HARS2: variants seen among roughly 807,000 people sequenced by gnomAD.
HARS2 encodes the protein histidyl-tRNA synthetase 2, mitochondrial.
In HARS2, 40 loss-of-function variants were observed where a neutral mutation model predicts 62.4. That is an observed-to-expected ratio of 0.64 (90% CI 0.50 to 0.83). The LOEUF (loss-of-function observed/expected upper bound fraction) is 0.83, where lower values mean the gene tolerates loss of function less well. HARS2 is among the 40% of genes least tolerant of loss of function. HARS2 has a pLI of 0.00. For synonymous variants in HARS2, 228 were observed against 227.0 expected (o/e 1.00, Z -0.04); for missense variants, 569 against 626.4 (o/e 0.91, Z 0.98).
At chr5:140,692,637 A>G (rs766223580) in intron 1 of HARS2, among the ~76,000 whole-genome samples, 3 of 152,208 alleles carry the variant, frequency 2.0e-5, no homozygotes, top group Non-Finnish European at 4.4e-5. Context: ...TCATGCCTGT[A>G]ATCCCATCAC....
Position 140,696,601 on chromosome 5 carries a change from T to C in HARS2, c.813T>C (p.Tyr271=). ...APEVADRIGD[Y]VQCHGGVSLV... ...AGGTGGCTGATCGAATTGGGGACTATGTCCAGTGTCATGGTAAGAACCAGG... is the reference window on the plus strand; with the variant it reads ...AGGTGGCTGATCGAATTGGGGACTACGTCCAGTGTCATGGTAAGAACCAGG... Residue 271 remains tyrosine, a synonymous_variant, in exon 8 of 13, where the codon TAT becomes TAC. Coordinates refer to ENST00000230771, the MANE Select transcript of HARS2 (RefSeq NM_012208.4). 4 of 1,608,072 alleles carry C rather than the reference T, an allele frequency of 2.5e-6. No individual in the cohort carries two copies. The highest frequency in any genetic ancestry group is 2.2e-5 in the South Asian group (2 of 90,954).
intron 12 of HARS2, among the ~76,000 whole-genome samples, 193 bp downstream of exon 12, chr5:140,698,271 C>G (rs1759838092): frequency 6.6e-6 from 1 of 152,186 alleles, no homozygotes; most frequent in Admixed American, 6.5e-5. Context: ...CAAATGAAAT[C>G]CGAATGGGTA....
intron 8 of HARS2, 88 bp from the exon 9 acceptor site, chr5:140,696,855 A>T: frequency 8.6e-7 from 1 of 1,159,544 alleles, no homozygotes; most frequent in African/African-American, 1.6e-5. Flanking sequence ...TTTTTTAAAG[A>T]AAATGAGGAA....
chr5:140,692,949 C>T (rs140169815), intron 1 of HARS2, among the ~76,000 whole-genome samples: 190 of 151,704 alleles, frequency 1.3e-3, no homozygotes, highest in Non-Finnish European at 2.0e-3. Flanking sequence ...TGGAGAAGAT[C>T]ACCATAATCC....
intron 1 of HARS2, chr5:140,693,358 A>C: frequency 2.7e-6 from 2 of 750,756 alleles, no homozygotes; most frequent in Non-Finnish European, 4.3e-6. Context: ...ATCCATATAC[A>C]GTGAGGAAGC....
intron 4 of HARS2, among the ~76,000 whole-genome samples, chr5:140,695,095 T>C (rs992173635): frequency 6.6e-6 from 1 of 152,196 alleles, no homozygotes; most frequent in Non-Finnish European, 1.5e-5. Flanking sequence ...GTCTGCATTT[T>C]AAACAAGCAT....
At chr5:140,696,367 G>C (rs1262494960) in intron 7 of HARS2, 154 bp from the exon 8 acceptor site, 1 of 800,228 alleles carries the variant, frequency 1.2e-6, no homozygotes, top group African/African-American at 1.7e-5. Flanking sequence ...CTATACAGTG[G>C]GGATTGTGAC....
intron 8 of HARS2, 23 bp downstream of exon 8, chr5:140,696,637 C>G (rs1394399223): frequency 6.7e-7 from 1 of 1,492,626 alleles, no homozygotes; most frequent in Admixed American, 1.7e-5. Context: ...GTTTTCAGAG[C>G]TGTGATAGAA....
At chr5:140,696,247 C>A in intron 7 of HARS2, 46 bp downstream of exon 7, 2 of 1,327,324 alleles carry the variant, frequency 1.5e-6, no homozygotes, top group Non-Finnish European at 1.1e-6. Flanking sequence ...AGCTTCTGCC[C>A]TGCCCTCAAA....
Position 140,697,298 on chromosome 5 carries a change from C to T in HARS2, c.1089C>T (p.Arg363=). 1.2e-6 allele frequency: 2 copies of T among 1,614,056 alleles called. No homozygotes were observed. The highest frequency in any genetic ancestry group is 1.7e-6 in the Non-Finnish European group (2 of 1,180,018). ...TGGGCAGTGTGGCTGCTGGTGGGCG[C>T]TATGATGGGCTGGTGGGCATGTTTG... ...LNVGSVAAGG[R]YDGLVGMFDP... is the part of the protein sequence containing the mutation. The change falls in exon 10 of 13, where the codon CGC becomes CGT. Residue 363 remains arginine (R), a synonymous_variant. Transcript: ENST00000230771.
chr5:140,691,973 A>G (rs1759511450), intron 1 of HARS2: 1 of 594,552 alleles, frequency 1.7e-6, no homozygotes, highest in Non-Finnish European at 3.0e-6. Context: ...AGTTGAGGAA[A>G]CGGAGGCTGC....
chr5:140,696,515 A>G lies in HARS2; in HGVS notation c.733-6A>G. On this transcript the variant is annotated splice_region_variant and splice_polypyrimidine_tract_variant and intron_variant, in intron 7 of 12. Coordinates refer to ENST00000230771, the MANE Select transcript of HARS2 (RefSeq NM_012208.4). ...GGGCTGGGCTAATGTTTGGGTGTTT[A>G]TGCAGATGGCTTGGAAAGATGTGAG... The G allele has an allele frequency of 6.2e-7, 1 of 1,607,512 alleles. No individual in the cohort carries two copies. The highest frequency in any genetic ancestry group is 8.5e-7 in the Non-Finnish European group (1 of 1,173,958).
In HARS2 at chr5:140,696,543, A is replaced by T; in HGVS notation, c.755A>T (p.His252Leu). ...CAGATGGCTTGGAAAGATGTGAGAC[A>T]TGAGATGGTGGTGAAGAAAGGCCTG... ...LDKMAWKDVR[H>L]EMVVKKGLAP... is the part of the protein sequence containing the mutation. The change falls in exon 8 of 13, where the codon CAT becomes CTT. Residue 252 changes from histidine (H) to leucine (L), a missense_variant. Physicochemically the swap from His to Leu is moderately conservative, Grantham distance 99. Transcript: ENST00000230771. 1.2e-6 allele frequency: 2 copies of T among 1,613,622 alleles called. No individual in the cohort carries two copies. The highest frequency in any genetic ancestry group is 2.7e-5 in the African/African-American group (2 of 75,048).
At chr5:140,695,470 G>T in intron 4 of HARS2, 38 bp from the exon 5 acceptor site, 1 of 1,612,824 alleles carries the variant, frequency 6.2e-7, no homozygotes, top group South Asian at 1.1e-5. Context: ...CCTAATCTTT[G>T]GATGCAGTAT....
At chr5:140,696,907 A>G (rs1317561986) in intron 8 of HARS2, 36 bp from the exon 9 acceptor site, 1 of 1,599,802 alleles carries the variant, frequency 6.3e-7, no homozygotes, top group Non-Finnish European at 8.5e-7. Context: ...AATGAAACAC[A>G]TGTGAGTGAA....
chr5:140,697,637 C>T lies in HARS2; in HGVS notation c.1266C>T (p.Leu422=). Reference sequence around the variant, plus strand: ...TGGCCACACCACAGAAGAACTTTCTCCAAGAACGGTTGAAGCTTATTGCAG... The same window carrying T: ...TGGCCACACCACAGAAGAACTTTCTTCAAGAACGGTTGAAGCTTATTGCAG... The part of the protein sequence containing the change: ...VFVATPQKNF[L]QERLKLIAEL... The change falls in exon 11 of 13, where the codon CTC becomes CTT. Residue 422 remains leucine (L), a synonymous_variant. Transcript: ENST00000230771. 1.2e-6 allele frequency: 2 copies of T among 1,613,934 alleles called. No individual in the cohort carries two copies. The highest frequency in any genetic ancestry group is 1.1e-5 in the South Asian group (1 of 91,076).
chr5:140,698,431 CA>C (rs947746881), intron 12 of HARS2, 61 bp from the exon 13 acceptor site: 3 of 1,209,830 alleles, frequency 2.5e-6, no homozygotes, highest in Non-Finnish European at 3.7e-6. Flanking sequence ...TCTGGAAAAA[CA>C]GTGGCTAAGG....
Position 140,691,665 on chromosome 5 carries a change from T to A in HARS2, c.17T>A (p.Leu6His). 6.4e-7 allele frequency: 1 copy of A among 1,550,806 alleles called. No homozygotes were observed. The highest frequency in any genetic ancestry group is 1.2e-5 in the South Asian group (1 of 84,094). The change falls in exon 1 of 13, where the codon CTT becomes CAT. Residue 6 changes from leucine to histidine, a missense_variant. By Grantham distance (99) the Leu-to-His change is moderately conservative. Transcript: ENST00000230771. MPLLG[L>H]LPRRAWASLL... Reference sequence around the variant, plus strand: ...TGCCGCGCGATGCCCCTGCTCGGACTTCTTCCCAGGAGGGCCTGGGCTTCG... The same window carrying A: ...TGCCGCGCGATGCCCCTGCTCGGACATCTTCCCAGGAGGGCCTGGGCTTCG...
chr5:140,698,467 C>T, intron 12 of HARS2, 26 bp from the exon 13 acceptor site: 1 of 1,549,376 alleles, frequency 6.5e-7, no homozygotes, highest in Non-Finnish European at 8.9e-7. Context: ...TCTAGTTTAT[C>T]ACATGAGGAT....
Sources: allele counts gnomAD v4.1 joint callset (sites outside exome capture counted in the v4.1 genomes callset), GRCh38; gene constraint gnomAD v4.1.1; transcripts MANE v1.5; gene names NCBI Gene and HGNC (gene_info 2026-07-23, HGNC 2026-07-21).